Variants in KMO observed in about 807,000 individuals in gnomAD.
The protein encoded by KMO is kynurenine 3-hydroxylase.
Under a neutral mutation model 57.8 loss-of-function variants are expected in KMO, and 24 were observed. The ratio of observed to expected loss-of-function variants is 0.42; its 90% CI spans 0.30 to 0.58. KMO has a LOEUF of 0.58. KMO is among the 20% of genes least tolerant of loss of function. The pLI, the probability that KMO is intolerant of heterozygous loss-of-function variation, is 0.22. For missense variants in KMO, 483 were observed against 588.2 expected (o/e 0.82, Z 1.85); for synonymous variants, 210 against 193.6 (o/e 1.08, Z -0.70).
chr1:241,557,438 C>T (rs1252397148), intron 5 of KMO, among the ~76,000 whole-genome samples: 1 of 152,142 alleles, frequency 6.6e-6, no homozygotes. Flanking sequence ...CTTTGTTTCT[C>T]CACAATCTCC....
intron 10 of KMO, among the ~76,000 whole-genome samples, chr1:241,582,633 G>T (rs1241114196): frequency 6.6e-6 from 1 of 152,028 alleles, no homozygotes; most frequent in Admixed American, 6.6e-5. Context: ...CAATCTCTTT[G>T]TTAAATTTAT....
intron 1 of KMO, among the ~76,000 whole-genome samples, chr1:241,536,222 A>G (rs1660746896): frequency 6.6e-6 from 1 of 152,208 alleles, no homozygotes; most frequent in Non-Finnish European, 1.5e-5. Flanking sequence ...GGAGTTCTAC[A>G]GTGTAGCTTT....
At chr1:241,538,778 T>C (rs1220209424) in intron 1 of KMO, among the ~76,000 whole-genome samples, 1 of 152,160 alleles carries the variant, frequency 6.6e-6, no homozygotes, top group Non-Finnish European at 1.5e-5. Flanking sequence ...AGGGAATTCA[T>C]CCCTCAGAGA....
Position 241,594,478 on chromosome 1 carries a change from C to A in KMO, c.*2325C>A. Reference sequence around the variant, plus strand: ...TCAACTTTGGACCCATTGGTTTTGTCGCTGTCGTCAACTGACAGTGATTCA... The same window carrying A: ...TCAACTTTGGACCCATTGGTTTTGTAGCTGTCGTCAACTGACAGTGATTCA... On this transcript the variant is annotated 3_prime_UTR_variant, in exon 15 of 15. Transcript: ENST00000366559. 1.2e-6 allele frequency: 2 copies of A among 1,614,058 alleles called. No homozygotes were observed. Among genetic ancestry groups the A allele is most frequent in the Non-Finnish European group, 1.7e-6 (2 of 1,179,978 alleles).
At chr1:241,552,991 G>A (rs929721761) in intron 4 of KMO, among the ~76,000 whole-genome samples, 3 of 152,100 alleles carry the variant, frequency 2.0e-5, no homozygotes, top group African/African-American at 7.2e-5. Context: ...CTCCCCCTTA[G>A]TAGAAAACAT....
chr1:241,557,453 T>G (rs1436070921), intron 5 of KMO, among the ~76,000 whole-genome samples: 1 of 152,226 alleles, frequency 6.6e-6, no homozygotes, highest in African/African-American at 2.4e-5. Context: ...ATCTCCTCAA[T>G]ATATCTACTG....
intron 10 of KMO, among the ~76,000 whole-genome samples, chr1:241,570,361 T>G (rs2147968820): frequency 6.6e-6 from 1 of 152,266 alleles, no homozygotes; most frequent in South Asian, 2.1e-4. Context: ...CCCAGACCAC[T>G]GTCTTGGACT....
chr1:241,568,386 C>A (rs1662157101), intron 9 of KMO, 114 bp from the exon 10 acceptor site: 1 of 1,018,748 alleles, frequency 9.8e-7, no homozygotes, highest in Non-Finnish European at 1.5e-6. Context: ...TTCTTCTTGG[C>A]ATTCTTGTTT....
intron 11 of KMO, among the ~76,000 whole-genome samples, chr1:241,587,257 G>A (rs747263168): frequency 7.9e-5 from 12 of 152,126 alleles, no homozygotes; most frequent in South Asian, 2.1e-4. Flanking sequence ...TAGGGTTCAC[G>A]CTCCTATGAG....
intron 10 of KMO, among the ~76,000 whole-genome samples, chr1:241,583,786 G>C (rs1662854498): frequency 1.4e-5 from 2 of 145,634 alleles, no homozygotes; most frequent in Non-Finnish European, 3.0e-5. Flanking sequence ...CCAGAACTTG[G>C]GTATATGTGG....
At chr1:241,582,422 G>T (rs145870517) in intron 10 of KMO, among the ~76,000 whole-genome samples, 1,573 of 152,144 alleles carry the variant, frequency 0.01, 9 homozygotes, top group Non-Finnish European at 0.016. Flanking sequence ...GCCCTTGTCA[G>T]GCTATTTCCT....
rs773887970 is a variant in KMO, at chr1:241,562,267, G to T, written c.550G>T (p.Asp184Tyr). The T allele has an allele frequency of 6.2e-7, 1 of 1,614,172 alleles. No individual in the cohort carries two copies. Among genetic ancestry groups the T allele is most frequent in the South Asian group, 1.1e-5 (1 of 91,082 alleles). The change falls in exon 7 of 15, where the codon GAT becomes TAT. Residue 184 changes from aspartate to tyrosine, a missense_variant. Transcript: ENST00000366559. ...TCACCTGATGAAGAAACCTCGCTTTGATTACAGTCAGCAGTACATTCCTCA... is the reference window on the plus strand; with the variant it reads ...TCACCTGATGAAGAAACCTCGCTTTTATTACAGTCAGCAGTACATTCCTCA... ...RSHLMKKPRFDYSQQYIPHGY... is the reference protein window; with the variant it reads ...RSHLMKKPRFYYSQQYIPHGY...
chr1:241,583,524 C>T (rs1481780948), intron 10 of KMO, among the ~76,000 whole-genome samples: 2 of 151,962 alleles, frequency 1.3e-5, no homozygotes, highest in African/African-American at 4.8e-5. Flanking sequence ...AGACAAAGAC[C>T]TCTATACTTT....
At chr1:241,561,124 C>T (rs919557141) in intron 6 of KMO, among the ~76,000 whole-genome samples, 1 of 152,102 alleles carries the variant, frequency 6.6e-6, no homozygotes, top group South Asian at 2.1e-4. Flanking sequence ...CTCTAAGGTT[C>T]CAAGCCTCAT....
chr1:241,544,182 A>C (rs1419934305), intron 1 of KMO, among the ~76,000 whole-genome samples: 1 of 152,146 alleles, frequency 6.6e-6, no homozygotes, highest in Non-Finnish European at 1.5e-5. Context: ...ATTTTCACTG[A>C]TCACTTGTTG....
chr1:241,565,714 A>G (rs373294935), intron 8 of KMO, among the ~76,000 whole-genome samples: 1 of 151,624 alleles, frequency 6.6e-6, no homozygotes, highest in East Asian at 1.9e-4. Flanking sequence ...ACAAAGCAAG[A>G]CCCTGTTTCA....
intron 10 of KMO, among the ~76,000 whole-genome samples, chr1:241,583,684 T>C (rs2147980589): frequency 6.6e-6 from 1 of 152,342 alleles, no homozygotes; most frequent in Admixed American, 6.5e-5. Flanking sequence ...ATAATTGTTA[T>C]ACTGTATTTT....
At chr1:241,532,675 G>C (rs1436212763) in intron 1 of KMO, among the ~76,000 whole-genome samples, 177 bp downstream of exon 1, 1 of 151,756 alleles carries the variant, frequency 6.6e-6, no homozygotes, top group African/African-American at 2.4e-5. Flanking sequence ...ATTTAATATA[G>C]TATGAGTTTT....
rs138551529 is a variant in KMO, at chr1:241,575,006, A to G, written c.957+6359A>G. On this transcript the variant is annotated intron_variant, in intron 10 of 14. Coordinates refer to ENST00000366559, the MANE Select transcript of KMO (RefSeq NM_003679.5). ...CTTATTTAATCTAGAAGTTTTGTAC[A>G]TGTCTAGAAATTTATCCATTTCCTC... 3.1e-3 allele frequency among the ~76,000 whole-genome samples: 466 copies of G among 152,052 alleles called. 2 individuals carry two copies. Among genetic ancestry groups the G allele is most frequent in the African/African-American group, 0.011 (437 of 41,532 alleles).
Sources: gnomAD v4.1 joint callset for allele counts (sites outside exome capture counted in the v4.1 genomes callset) on GRCh38, gnomAD v4.1.1 for gene constraint, MANE v1.5 for transcripts, NCBI Gene and HGNC (gene_info 2026-07-23, HGNC 2026-07-21) for gene names.